CLINT1: variants seen among roughly 807,000 people sequenced by gnomAD.
The protein encoded by CLINT1 is clathrin interactor 1.
Under a neutral mutation model 70.4 loss-of-function variants are expected in CLINT1, and 15 were observed. The ratio of observed to expected loss-of-function variants is 0.21; its 90% CI spans 0.14 to 0.33. The LOEUF is 0.33. CLINT1 is among the 10% of genes least tolerant of loss of function. CLINT1 has a pLI of 1.00. For missense variants in CLINT1, 615 were observed against 778.1 expected (o/e 0.79, Z 2.49); for synonymous variants, 227 against 254.7 (o/e 0.89, Z 1.04).
intron 8 of CLINT1, among the ~76,000 whole-genome samples, chr5:157,796,376 C>CT (rs1227389410): frequency 8.5e-5 from 13 of 152,134 alleles, no homozygotes; most frequent in Non-Finnish European, 4.4e-5. Context: ...TGTAATATTC[C>CT]TTTTTTTCTC....
chr5:157,806,419 A>G (rs1220559853), intron 6 of CLINT1, among the ~76,000 whole-genome samples: 1 of 152,218 alleles, frequency 6.6e-6, no homozygotes, highest in African/African-American at 2.4e-5. Context: ...ATTTAAGCTT[A>G]ACTTAAAAAT....
At chr5:157,855,168 G>T (rs1443976375) in intron 1 of CLINT1, among the ~76,000 whole-genome samples, 3 of 72,986 alleles carry the variant, frequency 4.1e-5, no homozygotes, top group Non-Finnish European at 7.4e-5. Flanking sequence ...GGGGGGGGGG[G>T]CGGGTCACTG....
At chr5:157,794,463 A>G (rs758089018) in intron 9 of CLINT1, among the ~76,000 whole-genome samples, 1 of 152,168 alleles carries the variant, frequency 6.6e-6, no homozygotes, top group African/African-American at 2.4e-5. Context: ...TTTTCACATA[A>G]ATGCTTTTAA....
At chr5:157,852,286 G>A (rs550398457) in intron 1 of CLINT1, among the ~76,000 whole-genome samples, 106 of 152,226 alleles carry the variant, frequency 7.0e-4, no homozygotes, top group African/African-American at 2.3e-3. Flanking sequence ...TCTGCAATAT[G>A]CTTTGCAATA....
rs1762735230 is a variant in CLINT1 at position 157,816,799 on chromosome 5, G to A, written c.178C>T (p.Leu60Phe). 6.2e-7 allele frequency: 1 copy of A among 1,610,408 alleles called. No individual in the cohort carries two copies. Among genetic ancestry groups the A allele is most frequent in the South Asian group, 1.1e-5 (1 of 90,510 alleles). ...ATTCGTGACCAAAGCATGTTCATAAGTTCTGGAAATTGTTCATACATAAAT... is the reference window on the plus strand; with the variant it reads ...ATTCGTGACCAAAGCATGTTCATAAATTCTGGAAATTGTTCATACATAAAT... ...ATFMYEQFPE[L>F]MNMLWSRMLK... is the part of the protein sequence containing the mutation. Residue 60 changes from leucine to phenylalanine, a missense_variant, in exon 3 of 12, where the codon CTT becomes TTT. By Grantham distance (22) the Leu-to-Phe change is conservative. Coordinates refer to ENST00000411809, the MANE Select transcript of CLINT1 (RefSeq NM_014666.4).
chr5:157,811,624 G>A (rs1030999929), intron 5 of CLINT1, among the ~76,000 whole-genome samples: 2 of 151,850 alleles, frequency 1.3e-5, no homozygotes, highest in African/African-American at 2.4e-5. Flanking sequence ...CAATAACTTA[G>A]CAAAAGGATG....
At chr5:157,806,322 T>C (rs1762382855) in intron 6 of CLINT1, among the ~76,000 whole-genome samples, 1 of 152,190 alleles carries the variant, frequency 6.6e-6, no homozygotes, top group African/African-American at 2.4e-5. Context: ...GAGAATATCC[T>C]ATATAAGTCT....
At chr5:157,803,407 A>T (rs1762285924) in intron 8 of CLINT1, among the ~76,000 whole-genome samples, 1 of 152,220 alleles carries the variant, frequency 6.6e-6, no homozygotes, top group African/African-American at 2.4e-5. Flanking sequence ...GACCACAAAC[A>T]AAGTTTTGCT....
rs1459247870 is a variant in CLINT1 at position 157,838,280 on chromosome 5, G to A, written c.41+20650C>T. ...TGGGATTGCAGGCACCTGCCACCAC[G>A]CCCAGCTAATTTTTGTATTTTTAGT... On this transcript the variant is annotated intron_variant, in intron 1 of 11. Coordinates refer to ENST00000411809, the MANE Select transcript of CLINT1 (RefSeq NM_014666.4). Among the ~76,000 whole-genome samples, 9 of 151,980 alleles carry A rather than the reference G, an allele frequency of 5.9e-5. No individual in the cohort carries two copies. The South Asian group carries it at 1.7e-3, about 28-fold the overall frequency.
chr5:157,826,631 C>A (rs1188528105), intron 1 of CLINT1, among the ~76,000 whole-genome samples: 2 of 114,756 alleles, frequency 1.7e-5, no homozygotes, highest in African/African-American at 5.5e-5. Context: ...TGTTTCCATA[C>A]ATGCATGTGA....
intron 1 of CLINT1, among the ~76,000 whole-genome samples, chr5:157,855,696 T>C (rs961958935): frequency 3.3e-5 from 5 of 152,060 alleles, no homozygotes; most frequent in African/African-American, 4.8e-5. Flanking sequence ...TCACTTTGAG[T>C]AGCTGAGATG....
chr5:157,846,937 G>T (rs894754565), intron 1 of CLINT1, among the ~76,000 whole-genome samples: 8 of 152,196 alleles, frequency 5.3e-5, no homozygotes, highest in Admixed American at 5.2e-4. Flanking sequence ...CTGCTCAGAA[G>T]AAAAGATTCT....
At chr5:157,818,467 TAAAAAAAA>T (rs929415179) in intron 1 of CLINT1, among the ~76,000 whole-genome samples, 1 of 88,336 alleles carries the variant, frequency 1.1e-5, no homozygotes, top group South Asian at 3.7e-4. Flanking sequence ...ACCTGGTCTC[TAAAAAAAA>T]AAAAAAAAAA....
chr5:157,834,405 C>T (rs1763349338), intron 1 of CLINT1, among the ~76,000 whole-genome samples: 1 of 151,510 alleles, frequency 6.6e-6, no homozygotes, highest in South Asian at 2.1e-4. Flanking sequence ...GTCTTGGTGA[C>T]AGCAGATGTT....
intron 1 of CLINT1, among the ~76,000 whole-genome samples, chr5:157,849,500 A>C (rs566830709): frequency 6.6e-6 from 1 of 152,294 alleles, no homozygotes; most frequent in South Asian, 2.1e-4. Context: ...TCCAATATTC[A>C]CTTTATTGCA....
chr5:157,840,192 C>CAAA (rs57245921), intron 1 of CLINT1, among the ~76,000 whole-genome samples: 16,540 of 55,246 alleles, frequency 0.3, 2,128 homozygotes, highest in East Asian at 0.44. Context: ...GAGACTGCCT[C>CAAA]AAAAAAAAAA....
intron 1 of CLINT1, among the ~76,000 whole-genome samples, chr5:157,822,444 TG>T (rs1762905935): frequency 6.6e-6 from 1 of 152,204 alleles, no homozygotes; most frequent in Non-Finnish European, 1.5e-5. Flanking sequence ...GCCATGATTC[TG>T]GGGCCTCCCC....
chr5:157,856,538 A>C (rs531406470), intron 1 of CLINT1, among the ~76,000 whole-genome samples: 47 of 152,354 alleles, frequency 3.1e-4, no homozygotes, highest in Admixed American at 4.6e-4. Flanking sequence ...TACCTCTGAT[A>C]ATCAGACCAA....
intron 1 of CLINT1, among the ~76,000 whole-genome samples, chr5:157,830,788 CTCT>C (rs1763209718): frequency 7.8e-6 from 1 of 128,858 alleles, no homozygotes; most frequent in African/African-American, 3.0e-5. Flanking sequence ...CTCTCTCTCT[CTCT>C]CTCTCTATAT....
Sources: gnomAD v4.1 joint callset for allele counts (sites outside exome capture counted in the v4.1 genomes callset) on GRCh38, gnomAD v4.1.1 for gene constraint, MANE v1.5 for transcripts, NCBI Gene and HGNC (gene_info 2026-07-23, HGNC 2026-07-21) for gene names.